RIT2: variants seen among roughly 807,000 people sequenced by gnomAD.
The protein encoded by RIT2 is Ras like without CAAX 2.
In RIT2, 24 loss-of-function variants were observed where a neutral mutation model predicts 23.7. That is an observed-to-expected ratio of 1.01 (90% confidence interval 0.73 to 1.43). The LOEUF (loss-of-function observed/expected upper bound fraction) is 1.43, where lower values mean the gene tolerates loss of function less well. RIT2 is among the 40% of genes most tolerant of loss of function. The probability of loss-of-function intolerance (pLI) is 0.00; values close to 1 mark genes in which losing one functional copy is unlikely to be tolerated. For missense variants in RIT2, 236 were observed against 266.9 expected (o/e 0.88, Z 0.81); for synonymous variants, 107 against 91.1 (o/e 1.17, Z -0.99).
chr18:42,782,869 T>C (rs943721670), intron 4 of RIT2, among the ~76,000 whole-genome samples: 1 of 152,102 alleles, frequency 6.6e-6, no homozygotes, highest in Admixed American at 6.6e-5. Flanking sequence ...TTAAGTTAAG[T>C]GCCAGAGACA....
intron 3 of RIT2, among the ~76,000 whole-genome samples, chr18:42,938,576 CATA>C (rs150886453): frequency 5.1e-4 from 78 of 152,192 alleles, no homozygotes; most frequent in African/African-American, 1.8e-3. Flanking sequence ...TGCTTTAAGA[CATA>C]ATTTTACTTC....
At chr18:43,079,041 G>C (rs537596779) in intron 1 of RIT2, among the ~76,000 whole-genome samples, 6 of 151,974 alleles carry the variant, frequency 3.9e-5, no homozygotes, top group African/African-American at 1.4e-4. Context: ...TTTTTTTCTT[G>C]GGCAAACATC....
intron 4 of RIT2, among the ~76,000 whole-genome samples, chr18:42,845,933 T>C (rs547320349): frequency 6.6e-6 from 1 of 152,026 alleles, no homozygotes; most frequent in East Asian, 1.9e-4. Flanking sequence ...TTAATGCATA[T>C]ATGAGAAATA....
chr18:42,976,100 G>T (rs1297082384), intron 2 of RIT2, among the ~76,000 whole-genome samples: 2 of 151,780 alleles, frequency 1.3e-5, no homozygotes, highest in Admixed American at 6.6e-5. Context: ...TCTTTCAATT[G>T]TTGGTTTCTA....
At chr18:42,791,341 A>G (rs1410693222) in intron 4 of RIT2, among the ~76,000 whole-genome samples, 1 of 152,216 alleles carries the variant, frequency 6.6e-6, no homozygotes, top group Non-Finnish European at 1.5e-5. Context: ...AATATATGGA[A>G]AATGAGTTTG....
intron 4 of RIT2, among the ~76,000 whole-genome samples, chr18:42,856,898 C>T (rs1441472493): frequency 1.5e-5 from 2 of 136,894 alleles, no homozygotes; most frequent in African/African-American, 5.7e-5. Flanking sequence ...GGTGGGATCT[C>T]GGCTCACTGA....
intron 1 of RIT2, among the ~76,000 whole-genome samples, chr18:43,076,870 G>T (rs1296673519): frequency 6.6e-6 from 1 of 151,916 alleles, no homozygotes; most frequent in Non-Finnish European, 1.5e-5. Flanking sequence ...TTGGGAGGCC[G>T]AGGCGGGCGG....
At chr18:42,987,259 C>T (rs1483646681) in intron 2 of RIT2, among the ~76,000 whole-genome samples, 1 of 152,096 alleles carries the variant, frequency 6.6e-6, no homozygotes, top group African/African-American at 2.4e-5. Context: ...TTAGACTTGA[C>T]CATGCAACTT....
At chr18:43,094,071 A>T (rs1007084790) in intron 1 of RIT2, among the ~76,000 whole-genome samples, 1 of 150,982 alleles carries the variant, frequency 6.6e-6, no homozygotes, top group Non-Finnish European at 1.5e-5. Flanking sequence ...TTCAAAATTT[A>T]TGCAAAAATC....
chr18:42,950,481 T>G (rs1050030648), intron 3 of RIT2, among the ~76,000 whole-genome samples: 1 of 151,962 alleles, frequency 6.6e-6, no homozygotes, highest in Non-Finnish European at 1.5e-5. Context: ...ACATAGACTT[T>G]GGGAAAGAAT....
At chr18:42,961,508 T>C (rs545949564) in intron 3 of RIT2, among the ~76,000 whole-genome samples, 244 of 152,322 alleles carry the variant, frequency 1.6e-3, no homozygotes, top group African/African-American at 5.4e-3. Flanking sequence ...CTCTGATAAC[T>C]GGCTTTCACT....
At chr18:42,777,132 G>GAAAAA (rs1913690750) in intron 4 of RIT2, among the ~76,000 whole-genome samples, 1 of 152,044 alleles carries the variant, frequency 6.6e-6, no homozygotes, top group Non-Finnish European at 1.5e-5. Context: ...TGAATAATGT[G>GAAAAA]CTATTTACTG....
At chr18:42,936,946 A>G (rs917575748) in intron 3 of RIT2, among the ~76,000 whole-genome samples, 1 of 151,786 alleles carries the variant, frequency 6.6e-6, no homozygotes, top group Non-Finnish European at 1.5e-5. Flanking sequence ...TGGGAGGCAG[A>G]GCTTGCAGTG....
chr18:42,760,884 C>T (rs1913284732), intron 4 of RIT2, among the ~76,000 whole-genome samples: 1 of 152,066 alleles, frequency 6.6e-6, no homozygotes, highest in African/African-American at 2.4e-5. Context: ...TTTTAATGAC[C>T]ACCATGAGAG....
At chr18:42,901,960 A>C (rs1908487261) in intron 4 of RIT2, among the ~76,000 whole-genome samples, 1 of 151,976 alleles carries the variant, frequency 6.6e-6, no homozygotes, top group South Asian at 2.1e-4. Flanking sequence ...GATTGAATGA[A>C]GATGCAGATA....
At chr18:43,013,992 T>C (rs532066850) in intron 2 of RIT2, among the ~76,000 whole-genome samples, 96 of 151,876 alleles carry the variant, frequency 6.3e-4, no homozygotes, top group South Asian at 1.7e-3. Flanking sequence ...TAAAATTGAG[T>C]TTCTTTAAGG....
chr18:42,954,339 G>A (rs1909921292), intron 3 of RIT2, among the ~76,000 whole-genome samples: 1 of 139,084 alleles, frequency 7.2e-6, no homozygotes, highest in African/African-American at 2.8e-5. Flanking sequence ...CTGCTCCATT[G>A]CACTCCAGCC....
At chr18:42,940,499 C>T (rs966639172) in intron 3 of RIT2, among the ~76,000 whole-genome samples, 3 of 151,376 alleles carry the variant, frequency 2.0e-5, no homozygotes, top group Non-Finnish European at 2.9e-5. Context: ...CCTATCACAC[C>T]GTATGGCTGG....
At chr18:42,847,031 C>G (rs1422894473) in intron 4 of RIT2, among the ~76,000 whole-genome samples, 1 of 152,110 alleles carries the variant, frequency 6.6e-6, no homozygotes, top group African/African-American at 2.4e-5. Flanking sequence ...ACATACGCCT[C>G]TTTCTCCTCC....
Sources: allele counts gnomAD v4.1 joint callset (sites outside exome capture counted in the v4.1 genomes callset), GRCh38; gene constraint gnomAD v4.1.1; transcripts MANE v1.5; gene names NCBI Gene and HGNC (gene_info 2026-07-23, HGNC 2026-07-21).